The following DNAH3 variants were observed in gnomAD, a reference collection of about 807,000 sequenced individuals.
DNAH3 encodes dynein axonemal heavy chain 3.
DNAH3 carries 332 observed loss-of-function variants against 432.5 expected under a neutral mutation model. The observed-to-expected ratio is 0.77, with a 90% CI of 0.70 to 0.84. DNAH3 has a LOEUF of 0.84. Ranked by LOEUF, DNAH3 falls within the 40% of genes least tolerant of loss-of-function variation. The pLI, the probability that DNAH3 is intolerant of heterozygous loss-of-function variation, is 0.00. For synonymous variants in DNAH3, 1,956 were observed against 1,900.2 expected (o/e 1.03, Z -0.76); for missense variants, 4,861 against 5,114.0 (o/e 0.95, Z 1.51).
intron 11 of DNAH3, among the ~76,000 whole-genome samples, chr16:21,119,078 C>A (rs373189887): frequency 6.6e-6 from 1 of 152,170 alleles, no homozygotes; most frequent in Non-Finnish European, 1.5e-5. Flanking sequence ...GGAGCAACTT[C>A]TTTGCTGCAG....
exon 53 of DNAH3, chr16:20,964,209 A>T (rs755073087): frequency 5.7e-5 from 92 of 1,613,952 alleles, no homozygotes; most frequent in Non-Finnish European, 7.7e-5. Context: ...CACTTTCCAC[A>T]ATCAACTGGT....
At chr16:21,034,052 T>C (rs1451925023) in exon 36 of DNAH3, 1 of 1,613,632 alleles carries the variant, frequency 6.2e-7, no homozygotes, top group Non-Finnish European at 8.5e-7. Flanking sequence ...CCTACAATCA[T>C]ATAGCCATGT....
intron 1 of DNAH3, chr16:21,158,362 G>A (rs1244343275): frequency 6.6e-6 from 1 of 152,292 alleles, no homozygotes; most frequent in Non-Finnish European, 1.5e-5. Flanking sequence ...ACTCATTCTC[G>A]GCTGCCAGTC....
At chr16:21,063,305 G>A (rs1411848688) in intron 24 of DNAH3, among the ~76,000 whole-genome samples, 1 of 152,036 alleles carries the variant, frequency 6.6e-6, no homozygotes, top group African/African-American at 2.4e-5. Context: ...TCATTCTAAT[G>A]TGCAGTCAGT....
chr16:21,136,282 A>G, intron 6 of DNAH3, 42 bp downstream of exon 7: 1 of 1,579,824 alleles, frequency 6.3e-7, no homozygotes, highest in Non-Finnish European at 8.7e-7. Flanking sequence ...GGTGCCCTCT[A>G]CATAGAAGCT....
Position 21,051,653 on chromosome 16 carries a change from G to A in DNAH3, c.4238+17C>T. On this transcript the variant is annotated intron_variant, in intron 29 of 61. Transcript: ENST00000261383. ...GTTCTCCGTTCACCCCTCAGATCTA[G>A]GAGCTCCAGAGTGTACCTGTAGCAG... 1 of 1,612,228 alleles carries A rather than the reference G, an allele frequency of 6.2e-7. No homozygotes were observed. The highest frequency in any genetic ancestry group is 8.5e-7 in the Non-Finnish European group (1 of 1,179,750).
intron 28 of DNAH3, among the ~76,000 whole-genome samples, chr16:21,053,907 T>G (rs1321580536): frequency 6.6e-6 from 1 of 152,062 alleles, no homozygotes; most frequent in African/African-American, 2.4e-5. Context: ...CACCACCCAC[T>G]GCTTGCAACA....
chr16:21,152,105 T>C (rs936265171), intron 1 of DNAH3, among the ~76,000 whole-genome samples: 1 of 151,862 alleles, frequency 6.6e-6, no homozygotes. Context: ...ATGGTGGTAG[T>C]CGCCTGTAAT....
At chr16:21,128,646 A>T (rs973516650) in intron 7 of DNAH3, among the ~76,000 whole-genome samples, 1 of 150,740 alleles carries the variant, frequency 6.6e-6, no homozygotes, top group Non-Finnish European at 1.5e-5. Context: ...GTGACAGGAG[A>T]TCACGCCACT....
chr16:21,015,460 C>A (rs1356735553), intron 41 of DNAH3, among the ~76,000 whole-genome samples: 1 of 152,142 alleles, frequency 6.6e-6, no homozygotes. Flanking sequence ...AACTATCCTG[C>A]ATGATTCTGT....
intron 53 of DNAH3, among the ~76,000 whole-genome samples, chr16:20,961,951 A>C (rs2084843185): frequency 6.6e-6 from 1 of 151,740 alleles, no homozygotes; most frequent in Non-Finnish European, 1.5e-5. Context: ...ACTTGAGGTC[A>C]GGAGTTCAAG....
intron 11 of DNAH3, among the ~76,000 whole-genome samples, chr16:21,118,443 A>G (rs2092259417): frequency 6.7e-6 from 1 of 148,266 alleles, no homozygotes; most frequent in Admixed American, 6.7e-5. Context: ...TTATTTATTT[A>G]TTTTTTTAAA....
At chr16:21,037,771 G>A (rs753781148) in exon 34 of DNAH3, 2 of 1,614,104 alleles carry the variant, frequency 1.2e-6, no homozygotes, top group Non-Finnish European at 1.7e-6. Flanking sequence ...CTGAAACAGA[G>A]GGACATCTTG....
intron 35 of DNAH3, among the ~76,000 whole-genome samples, chr16:21,034,403 CTG>C (rs1179490613): frequency 6.6e-6 from 1 of 152,168 alleles, no homozygotes; most frequent in East Asian, 1.9e-4. Flanking sequence ...AAGGGTAAGA[CTG>C]AGCCCAAGAG....
intron 27 of DNAH3, among the ~76,000 whole-genome samples, chr16:21,055,600 A>G (rs2090104734): frequency 6.6e-6 from 1 of 152,192 alleles, no homozygotes; most frequent in Non-Finnish European, 1.5e-5. Flanking sequence ...GAGGCAAAAA[A>G]TAAAATAAAA....
chr16:21,101,531 G>A (rs1251599213), intron 16 of DNAH3, among the ~76,000 whole-genome samples: 1 of 152,178 alleles, frequency 6.6e-6, no homozygotes, highest in Non-Finnish European at 1.5e-5. Flanking sequence ...AGAGTGTAAG[G>A]GGAGGATTCT....
At position 21,070,916 on chromosome 16, in the gene DNAH3, G is replaced by A; in HGVS notation, c.3085-90C>T. Reference sequence around the variant, plus strand: ...TAAAAATTTATTTATTTGAGACAGGGTCTCCTCACCCAGGCCTGAGTGCAA... The same window carrying A: ...TAAAAATTTATTTATTTGAGACAGGATCTCCTCACCCAGGCCTGAGTGCAA... On this transcript the variant is annotated intron_variant, in intron 21 of 61. Transcript: ENST00000261383. 3.7e-6 allele frequency: 3 copies of A among 815,328 alleles called. No homozygotes were observed. In the South Asian group the frequency reaches 4.6e-5, roughly 12 times the overall value. 50.5% of individuals were successfully genotyped at this position (815,328 alleles called of 1,614,324 possible).
intron 14 of DNAH3, among the ~76,000 whole-genome samples, chr16:21,109,398 C>T (rs2092019363): frequency 6.6e-6 from 1 of 152,090 alleles, no homozygotes; most frequent in African/African-American, 2.4e-5. Flanking sequence ...TAGATCTATT[C>T]TGTGCAGGGT....
chr16:21,067,776 G>GGAGAGAGAGAGAGAGAGAGAGA lies in DNAH3; in HGVS notation c.3382-379_3382-358dup, dbSNP rs60889532. Among the ~76,000 whole-genome samples the GGAGAGAGAGAGAGAGAGAGAGA allele has an allele frequency of 3.3e-3, 136 of 40,888 alleles. 8 individuals carry two copies. Among genetic ancestry groups the GGAGAGAGAGAGAGAGAGAGAGA allele is most frequent in the Admixed American group, 4.1e-3 (12 of 2,938 alleles). 26.8% of individuals were successfully genotyped at this position (40,888 alleles called of 152,430 possible). On this transcript the variant is annotated intron_variant, in intron 23 of 61. Transcript: ENST00000261383. ...CAGTCTTGGGGGGGGGGGTGGGGAG[G>GGAGAGAGAGAGAGAGAGAGAGA]GAGAGAGAGAGAGAGAGAGAGAGAG...
Sources: gnomAD v4.1 joint callset for allele counts (sites outside exome capture counted in the v4.1 genomes callset) on GRCh38, gnomAD v4.1.1 for gene constraint, MANE v1.5 for transcripts, NCBI Gene and HGNC (gene_info 2026-07-23, HGNC 2026-07-21) for gene names.